The following ASMT variants were observed in gnomAD, a reference collection of about 807,000 sequenced individuals.
ASMT encodes acetylserotonin N-methyltransferase.
Under a neutral mutation model 41.3 loss-of-function variants are expected in ASMT, and 53 were observed. The observed-to-expected ratio is 1.28, with a 90% CI of 1.03 to 1.61. The LOEUF (loss-of-function observed/expected upper bound fraction) is 1.61. Ranked by LOEUF, ASMT falls within the 40% of genes most tolerant of loss-of-function variation. ASMT has a pLI of 0.00. For missense variants in ASMT, 531 were observed against 441.3 expected, an observed-to-expected ratio of 1.20 and a Z score of -1.82; for synonymous variants, 231 against 184.8, an observed-to-expected ratio of 1.25 and a Z score of -2.03.
chrX:1,633,186 T>C lies in ASMT; in HGVS notation c.683T>C (p.Leu228Pro), dbSNP rs1242433186. 1.9e-6 allele frequency: 3 copies of C among 1,613,878 alleles called. No homozygotes were observed. The highest frequency in any genetic ancestry group is 2.5e-6 in the Non-Finnish European group (3 of 1,179,852). The stretch of plus-strand genomic sequence containing the variant: ...GCTCTGGCTAAGGAATGCATGTCTC[T>C]GTACCCTGGATGTAAGATCACCGTT... ...AGALAKECMSLYPGCKITVFD... is the reference protein window; with the variant it reads ...AGALAKECMSPYPGCKITVFD... The change falls in exon 7 of 9, where the codon CTG (leucine) becomes CCG (proline). Residue 228 changes from leucine (L) to proline (P), a missense_variant. Coordinates refer to ENST00000381241, the MANE Select transcript of ASMT (RefSeq NM_001171038.2).
intron 1 of ASMT, 118 bp from the exon 2 acceptor site, chrX:1,623,021 A>T (rs1463879824): frequency 1.1e-6 from 1 of 921,826 alleles, no homozygotes; most frequent in Non-Finnish European, 1.6e-6. Context: ...AAATAAATGA[A>T]TAAGAATATA....
chrX:1,642,099 G>T (rs1935203005), intron 8 of ASMT, among the ~76,000 whole-genome samples: 1 of 135,364 alleles, frequency 7.4e-6, no homozygotes, highest in South Asian at 2.4e-4. Context: ...CTCTGTGTGT[G>T]TGTGTGTGAT....
chrX:1,619,262 C>T (rs1240522967), intron 1 of ASMT, among the ~76,000 whole-genome samples: 6 of 151,656 alleles, frequency 4.0e-5, no homozygotes, highest in East Asian at 1.9e-4. Context: ...GGCGTGGTGG[C>T]GGGCACCTGT....
chrX:1,616,856 C>A (rs779013314), intron 1 of ASMT, among the ~76,000 whole-genome samples: 1 of 151,388 alleles, frequency 6.6e-6, no homozygotes, highest in South Asian at 2.1e-4. Context: ...TTACAGGCAC[C>A]CGCCACCACG....
intron 8 of ASMT, among the ~76,000 whole-genome samples, chrX:1,642,149 C>T (rs6644641): frequency 0.19 from 27,214 of 144,634 alleles, 3,143 homozygotes; most frequent in Middle Eastern, 0.32. Context: ...TCCACCCATC[C>T]TGATGGTCCA....
intron 8 of ASMT, among the ~76,000 whole-genome samples, chrX:1,641,460 C>T (rs1935157870): frequency 6.7e-6 from 1 of 149,340 alleles, no homozygotes; most frequent in South Asian, 2.1e-4. Flanking sequence ...GGACAGTGTC[C>T]CAGCTCTCCT....
intron 3 of ASMT, among the ~76,000 whole-genome samples, chrX:1,625,545 G>GAAGGAAGGGAGT: frequency 1.3e-5 from 1 of 76,414 alleles, no homozygotes; most frequent in African/African-American, 4.4e-5. Context: ...AGGAAGGAAG[G>GAAGGAAGGGAGT]GAGGGAGGGA....
chrX:1,635,963 C>G (rs867693311), intron 7 of ASMT, among the ~76,000 whole-genome samples: 1 of 141,988 alleles, frequency 7.0e-6, no homozygotes, highest in Non-Finnish European at 1.5e-5. Flanking sequence ...TATTTTCTTT[C>G]TTTTTTTTTT....
rs1302298154 is a variant in ASMT, at chrX:1,633,213, T to C, written c.710T>C (p.Phe237Ser). 1.9e-6 allele frequency: 3 copies of C among 1,613,758 alleles called. No homozygotes were observed. The highest frequency in any genetic ancestry group is 1.3e-5 in the African/African-American group (1 of 74,886). The change falls in exon 7 of 9, where the codon TTT (phenylalanine) becomes TCT (serine). Residue 237 changes from phenylalanine to serine, a missense_variant. By Grantham distance (155) the Phe-to-Ser change is radical. Transcript: ENST00000381241. ...SLYPGCKITVFDIPEVVWTAK... is the reference protein window; with the variant it reads ...SLYPGCKITVSDIPEVVWTAK... ...TACCCTGGATGTAAGATCACCGTTT[T>C]TGACATCCCAGAAGTGGTGTGGACG...
intron 2 of ASMT, among the ~76,000 whole-genome samples, chrX:1,623,786 C>A (rs1934423632): frequency 6.6e-6 from 1 of 152,000 alleles, no homozygotes; most frequent in South Asian, 2.1e-4. Flanking sequence ...TGGTCTCGAG[C>A]TCCTGACCTC....
intron 1 of ASMT, 35 bp from the exon 2 acceptor site, chrX:1,623,104 G>A (rs761531230): frequency 1.9e-6 from 3 of 1,611,734 alleles, no homozygotes; most frequent in East Asian, 2.2e-5. Flanking sequence ...CCAGGAGGCT[G>A]AGCCCTGACC....
Position 1,629,881 on chromosome X carries a change from G to A in ASMT, c.504G>A (p.Gly168=), listed in dbSNP as rs182383544. 31 of 1,614,004 alleles carry A rather than the reference G, an allele frequency of 1.9e-5. No individual in the cohort carries two copies. The Admixed American group carries it at 4.8e-4, about 25-fold the overall frequency. Residue 168 remains glycine, a synonymous_variant, in exon 5 of 9, where the codon GGG becomes GGA. Coordinates refer to ENST00000381241, the MANE Select transcript of ASMT (RefSeq NM_001171038.2). ...QALQEVWSVN[G]RSVLTAFDLS... ...TGCAGGAGGTCTGGAGCGTCAACGG[G>A]AGAAGCGTGCTGACCGCCTTTGACC... is the stretch of plus-strand genomic sequence containing the variant.
intron 7 of ASMT, among the ~76,000 whole-genome samples, chrX:1,635,732 G>T (rs28446103): frequency 0.32 from 47,696 of 150,660 alleles, 7,839 homozygotes; most frequent in African/African-American, 0.42. Context: ...CGTGGTGGCG[G>T]GTGCCTGTAA....
At chrX:1,641,604 T>C (rs1476569885) in intron 8 of ASMT, among the ~76,000 whole-genome samples, 4 of 147,134 alleles carry the variant, frequency 2.7e-5, no homozygotes, top group Admixed American at 2.1e-4. Context: ...ACAGCCTCTG[T>C]GTGTGTGATG....
At chrX:1,627,923 C>T in intron 4 of ASMT, 152 bp downstream of exon 4, 1 of 781,354 alleles carries the variant, frequency 1.3e-6, no homozygotes, top group Non-Finnish European at 2.2e-6. Context: ...CACTACTACC[C>T]CAGATTTTGC....
At chrX:1,622,949 AT>A (rs1456994597) in intron 1 of ASMT, among the ~76,000 whole-genome samples, 189 bp from the exon 2 acceptor site, 2 of 151,802 alleles carry the variant, frequency 1.3e-5, no homozygotes, top group African/African-American at 4.8e-5. Context: ...AAATAAATAA[AT>A]AAATATGACT....
In ASMT at chrX:1,627,707, G is replaced by A. The variant is rs1408366910; in HGVS notation, c.379G>A (p.Gly127Arg). ...WGHLADAVRE[G>R]RNQYLETFGV... ...GCCTTCTCTCTCTTTTCTTAGAGAAGGAAGGAACCAGTACCTGGAGACGTT... is the reference window on the plus strand; with the variant it reads ...GCCTTCTCTCTCTTTTCTTAGAGAAAGAAGGAACCAGTACCTGGAGACGTT... Residue 127 changes from glycine to arginine, a missense_variant, in exon 4 of 9, where the codon GGA becomes AGA. Gly to Arg is a moderately radical substitution (Grantham distance 125). Transcript: ENST00000381241. 1.2e-6 allele frequency: 2 copies of A among 1,613,448 alleles called. No homozygotes were observed. The highest frequency in any genetic ancestry group is 1.7e-6 in the Non-Finnish European group (2 of 1,179,536).
chrX:1,616,772 G>A (rs191007439), intron 1 of ASMT, among the ~76,000 whole-genome samples: 10 of 133,330 alleles, frequency 7.5e-5, no homozygotes, highest in East Asian at 2.1e-4. Flanking sequence ...GCAATGGCAC[G>A]ATCTCGGCTC....
At chrX:1,625,754 A>G (rs1270494863) in intron 3 of ASMT, among the ~76,000 whole-genome samples, 4 of 151,554 alleles carry the variant, frequency 2.6e-5, no homozygotes, top group African/African-American at 7.3e-5. Flanking sequence ...GGAGATCGAG[A>G]CCATCCTGGC....
Sources: allele counts gnomAD v4.1 joint callset (sites outside exome capture counted in the v4.1 genomes callset), GRCh38; gene constraint gnomAD v4.1.1; transcripts MANE v1.5; gene names NCBI Gene and HGNC (gene_info 2026-07-23, HGNC 2026-07-21).